CDAN1: variants seen among roughly 807,000 people sequenced by gnomAD.
The protein encoded by CDAN1 is codanin 1, also known as codanin-1.
A neutral mutation model predicts 139.8 loss-of-function variants in CDAN1; 107 were observed. The observed-to-expected ratio is 0.77, with a 90% CI of 0.65 to 0.90. CDAN1 has a LOEUF of 0.90. Among genes scored for constraint, CDAN1 ranks in the 40% least tolerant of loss-of-function variants. The pLI is 0.00. For synonymous variants in CDAN1, 776 were observed against 660.6 expected, an observed-to-expected ratio of 1.17 and a Z score of -2.68; for missense variants, 1,667 against 1,575.7, an observed-to-expected ratio of 1.06 and a Z score of -0.98.
intron 23 of CDAN1, chr15:42,727,338 G>A (rs111834741): frequency 7.4e-4 from 274 of 372,350 alleles, no homozygotes; most frequent in African/African-American, 5.1e-3. Context: ...ATTCACCACC[G>A]CACTCTCATC....
intron 6 of CDAN1, 67 bp from the exon 7 acceptor site, chr15:42,734,413 C>G (rs965239341): frequency 6.2e-7 from 1 of 1,600,266 alleles, no homozygotes; most frequent in East Asian, 2.2e-5. Flanking sequence ...CAAGCACCTG[C>G]ACACCACAGA....
chr15:42,726,290 T>A lies in CDAN1; in HGVS notation c.3204+20A>T. 1 of 1,587,558 alleles carries A rather than the reference T, an allele frequency of 6.3e-7. No homozygotes were observed. Among genetic ancestry groups the A allele is most frequent in the Non-Finnish European group, 8.6e-7 (1 of 1,166,414 alleles). ...AAGGACACAGAAAAAAGCCCCCCGGTGGCAGATGCCACAGCTCACCTGGCG... is the reference window on the plus strand; with the variant it reads ...AAGGACACAGAAAAAAGCCCCCCGGAGGCAGATGCCACAGCTCACCTGGCG... On this transcript the variant is annotated intron_variant, in intron 24 of 27. Coordinates refer to ENST00000356231, the MANE Select transcript of CDAN1 (RefSeq NM_138477.4).
intron 8 of CDAN1, among the ~76,000 whole-genome samples, chr15:42,733,626 G>C (rs1275897747): frequency 6.6e-6 from 1 of 152,206 alleles, no homozygotes; most frequent in Non-Finnish European, 1.5e-5. Flanking sequence ...TGACAGTAGT[G>C]CTACAGACCA....
intron 17 of CDAN1, 43 bp from the exon 18 acceptor site, chr15:42,729,405 C>T (rs751677474): frequency 1.2e-6 from 2 of 1,613,166 alleles, no homozygotes; most frequent in East Asian, 2.2e-5. Context: ...GAACCCTCTC[C>T]CCTCCCTAAG....
At position 42,725,502 on chromosome 15, in the gene CDAN1, G is replaced by A. The variant is rs561742305; in HGVS notation, c.3437C>T (p.Thr1146Ile). 8 of 1,614,194 alleles carry A rather than the reference G, an allele frequency of 5.0e-6. No individual in the cohort carries two copies. Among genetic ancestry groups the A allele is most frequent in the Non-Finnish European group, 5.9e-6 (7 of 1,180,038 alleles). ...CGTCTGACTCACCTCCCTTGGCCTTGTGTCTGCCAGAAGCCCCACATTTCT... is the reference window on the plus strand; with the variant it reads ...CGTCTGACTCACCTCCCTTGGCCTTATGTCTGCCAGAAGCCCCACATTTCT... ...SPRNVGLLAD[T>I]RPREWDLLLF... The change falls in exon 26 of 28, where the codon ACA becomes ATA. Residue 1146 changes from threonine (T) to isoleucine (I), a missense_variant. Thr to Ile is a moderately conservative substitution (Grantham distance 89). Transcript: ENST00000356231.
rs2061572915 is a variant in CDAN1 at position 42,729,106 on chromosome 15, A to G, written c.2562T>C (p.Phe854=). 6.2e-7 allele frequency: 1 copy of G among 1,614,092 alleles called. No individual in the cohort carries two copies. Among genetic ancestry groups the G allele is most frequent in the Admixed American group, 1.7e-5 (1 of 60,014 alleles). The part of the protein sequence containing the change: ...QGLQAQLAQA[F]FHNQPPSLRR... ...GCAAGGAGGGCGGCTGGTTGTGGAA[A>G]AAGGCCTGGGCGAGCTGTGCCTGGG... Residue 854 remains phenylalanine (F), a synonymous_variant, in exon 19 of 28, where the codon TTT becomes TTC. Coordinates refer to ENST00000356231, the MANE Select transcript of CDAN1 (RefSeq NM_138477.4).
At chr15:42,726,442 A>C in intron 23 of CDAN1, 25 bp from the exon 24 acceptor site, 19 of 1,523,184 alleles carry the variant, frequency 1.2e-5, no homozygotes, top group Non-Finnish European at 1.6e-5. Context: ...GGGAGATATC[A>C]CCTTGCGCTG....
rs1595860435 is a variant in CDAN1, at chr15:42,733,178, AAC to A, written c.1374_1375del (p.Phe459LeufsTer2). 6.2e-7 allele frequency: 1 copy of A among 1,613,896 alleles called. No individual in the cohort carries two copies. The highest frequency in any genetic ancestry group is 8.5e-7 in the Non-Finnish European group (1 of 1,179,862). ...TTCCCACTCTCGCAGCACCTCATAA[AAC>A]ACATCCCTGACGCATAAGAACGCCT... On this transcript the variant is annotated frameshift_variant, in exon 9 of 28. Coordinates refer to ENST00000356231, the MANE Select transcript of CDAN1 (RefSeq NM_138477.4). LOFTEE classifies it high-confidence loss of function.
Position 42,724,089 on chromosome 15 carries a change from C to T in CDAN1, c.*402G>A, listed in dbSNP as rs1208497034. The T allele has an allele frequency of 3.5e-6, 1 of 289,030 alleles. No homozygotes were observed. Among genetic ancestry groups the T allele is most frequent in the Non-Finnish European group, 6.8e-6 (1 of 147,262 alleles). 17.9% of individuals were successfully genotyped at this position (289,030 alleles called of 1,614,324 possible). ...TAGACTCCCAAGATTCATGTTTTAA[C>T]TTTCTTCATAAGTTAAGCAGGAGTC... On this transcript the variant is annotated 3_prime_UTR_variant, in exon 28 of 28. Coordinates refer to ENST00000356231, the MANE Select transcript of CDAN1 (RefSeq NM_138477.4).
chr15:42,736,599 C>T lies in CDAN1; in HGVS notation c.272G>A (p.Arg91Gln). ...ALPGRPGGPP[R>Q]GSRGARSQLF... ...CTGGCTGCGCGCCCCGCGGCTACCCCGCGGCGGGCCTCCCGGCCTCCCTGG... is the reference window on the plus strand; with the variant it reads ...CTGGCTGCGCGCCCCGCGGCTACCCTGCGGCGGGCCTCCCGGCCTCCCTGG... The change falls in exon 2 of 28, where the codon CGG becomes CAG. Residue 91 changes from arginine (R) to glutamine (Q), a missense_variant. Transcript: ENST00000356231. 1 of 1,502,596 alleles carries T rather than the reference C, an allele frequency of 6.7e-7. No homozygotes were observed. Among genetic ancestry groups the T allele is most frequent in the South Asian group, 1.3e-5 (1 of 79,896 alleles). The allele number at this position is 1,502,596 out of a possible 1,614,324, so 93.1% of individuals were successfully genotyped here.
At chr15:42,735,461 CA>C (rs1461055464) in intron 4 of CDAN1, 48 bp downstream of exon 4, 2 of 1,609,030 alleles carry the variant, frequency 1.2e-6, no homozygotes, top group Non-Finnish European at 1.7e-6. Context: ...TTCTCTTACC[CA>C]TAAGTTCTAC....
intron 14 of CDAN1, 125 bp from the exon 15 acceptor site, chr15:42,730,340 A>C (rs879703343): frequency 9.0e-6 from 9 of 996,666 alleles, no homozygotes; most frequent in Non-Finnish European, 1.4e-5. Flanking sequence ...GTTGGCAAGC[A>C]GGATCCCCCC....
chr15:42,728,999 C>T, intron 19 of CDAN1, 24 bp downstream of exon 19: 1 of 1,609,746 alleles, frequency 6.2e-7, no homozygotes, highest in Non-Finnish European at 8.5e-7. Context: ...GGCGATGAGA[C>T]CAGGATCCTT....
At position 42,729,110 on chromosome 15, in the gene CDAN1, G is replaced by C. The variant is rs961263640; in HGVS notation, c.2558C>G (p.Ala853Gly). The change falls in exon 19 of 28, where the codon GCC becomes GGC. Residue 853 changes from alanine to glycine, a missense_variant. Ala to Gly is a moderately conservative substitution (Grantham distance 60). Around this residue, in one of 3 missense-constraint regions of CDAN1, gnomAD observed 936 missense variants for 844.1 expected, o/e 1.11. Coordinates refer to ENST00000356231, the MANE Select transcript of CDAN1 (RefSeq NM_138477.4). ...SQGLQAQLAQ[A>G]FFHNQPPSLR... ...GGAGGGCGGCTGGTTGTGGAAAAAGGCCTGGGCGAGCTGTGCCTGGGGGGA... is the reference window on the plus strand; with the variant it reads ...GGAGGGCGGCTGGTTGTGGAAAAAGCCCTGGGCGAGCTGTGCCTGGGGGGA... 1 of 1,614,170 alleles carries C rather than the reference G, an allele frequency of 6.2e-7. No individual in the cohort carries two copies.
At position 42,730,676 on chromosome 15, in the gene CDAN1, A is replaced by G. The variant is rs1438294250; in HGVS notation, c.2096T>C (p.Phe699Ser). 6.2e-7 allele frequency: 1 copy of G among 1,614,082 alleles called. No individual in the cohort carries two copies. The highest frequency in any genetic ancestry group is 1.7e-5 in the Admixed American group (1 of 60,018). ...AACAACATGGTCAGCAAAGGAGAGAAACTCCACCAGCCAGGGCACGGTGAG... is the reference window on the plus strand; with the variant it reads ...AACAACATGGTCAGCAAAGGAGAGAGACTCCACCAGCCAGGGCACGGTGAG... ...AVLTVPWLVE[F>S]LSFADHVVPL... is the part of the protein sequence containing the mutation. The change falls in exon 14 of 28, where the codon TTT becomes TCT. Residue 699 changes from phenylalanine to serine, a missense_variant. Phe to Ser is a radical substitution (Grantham distance 155). This residue lies in a region of CDAN1 where 936 missense variants were observed against 844.1 expected (regional missense o/e 1.11). Coordinates refer to ENST00000356231, the MANE Select transcript of CDAN1 (RefSeq NM_138477.4).
intron 23 of CDAN1, 110 bp downstream of exon 23, chr15:42,727,511 A>C: frequency 9.6e-7 from 1 of 1,044,062 alleles, no homozygotes; most frequent in Non-Finnish European, 1.4e-6. Flanking sequence ...GCTGGACAGC[A>C]CAGACAGCTT....
rs774661137 is a variant in CDAN1 at position 42,734,019 on chromosome 15, T to C, written c.1286A>G (p.Gln429Arg). ...KVSLVMPPST[Q>R]AVSFQPETDN... ...AGTCTCTGGCTGAAAGGAGACAGCT[T>C]GAGTAGAGGGAGGCATCACCAGAGA... Residue 429 changes from glutamine (Q) to arginine (R), a missense_variant, in exon 8 of 28, where the codon CAA becomes CGA. Coordinates refer to ENST00000356231, the MANE Select transcript of CDAN1 (RefSeq NM_138477.4). 6.2e-7 allele frequency: 1 copy of C among 1,614,080 alleles called. No homozygotes were observed. The highest frequency in any genetic ancestry group is 8.5e-7 in the Non-Finnish European group (1 of 1,179,964).
chr15:42,724,569 C>A lies in CDAN1; in HGVS notation c.3606G>T (p.Glu1202Asp), dbSNP rs374471987. Residue 1202 changes from glutamate (E) to aspartate (D), a missense_variant, in exon 28 of 28, where the codon GAG (glutamate) becomes GAT (aspartate). By Grantham distance (45) the Glu-to-Asp change is conservative (BLOSUM62 2). Around this residue, in one of 3 missense-constraint regions of CDAN1, gnomAD observed 936 missense variants for 844.1 expected, o/e 1.11. Transcript: ENST00000356231. ...LATLSNLFLA[E>D]PHLPEPQLRA... is the part of the protein sequence containing the mutation. ...TTAGCTGGGGTTCTGGCAGGTGGGGCTCGGCTAGAAACAGATTAGACAGTG... is the reference window on the plus strand; with the variant it reads ...TTAGCTGGGGTTCTGGCAGGTGGGGATCGGCTAGAAACAGATTAGACAGTG... 4 of 1,553,952 alleles carry A rather than the reference C, an allele frequency of 2.6e-6. No homozygotes were observed. The African/African-American group carries it at 5.5e-5, about 21-fold the overall frequency.
intron 8 of CDAN1, 121 bp downstream of exon 8, chr15:42,733,817 C>A: frequency 2.7e-6 from 2 of 752,154 alleles, no homozygotes; most frequent in East Asian, 2.7e-5. Context: ...CAGGAAGGAC[C>A]TGGGGGGACT....
Sources: allele counts gnomAD v4.1 joint callset (sites outside exome capture counted in the v4.1 genomes callset), GRCh38; gene constraint gnomAD v4.1.1; regional missense constraint gnomAD v4.1.1; transcripts MANE v1.5; gene names NCBI Gene and HGNC (gene_info 2026-07-23, HGNC 2026-07-21).